Variants in CNIH3 observed in about 807,000 individuals in gnomAD.
CNIH3 encodes the protein cornichon family AMPA receptor auxiliary protein 3.
In CNIH3, 14 loss-of-function variants were observed where a neutral mutation model predicts 24.1. The observed-to-expected ratio is 0.58, with a 90% confidence interval of 0.38 to 0.91. CNIH3 has a LOEUF of 0.91. Ranked by LOEUF, CNIH3 falls within the 40% of genes least tolerant of loss-of-function variation. CNIH3 has a pLI of 0.00. For synonymous variants in CNIH3, 68 were observed against 73.8 expected (o/e 0.92, Z 0.40); for missense variants, 178 against 196.8 (o/e 0.90, Z 0.57).
At chr1:224,513,118 G>A (rs530763634), upstream of CNIH3, among the ~76,000 whole-genome samples, 1 of 152,038 alleles carries the variant, frequency 6.6e-6, no homozygotes. Context: ...CAGAGACCCT[G>A]CCCGCAGCCT....
At chr1:224,508,854 G>A (rs1429845271) in intron 1 of CNIH3, among the ~76,000 whole-genome samples, 1 of 152,330 alleles carries the variant, frequency 6.6e-6, no homozygotes. Context: ...TATATGTGAG[G>A]TACAGTATTA....
At chr1:224,662,634 A>C (rs1408844015) in intron 1 of CNIH3, among the ~76,000 whole-genome samples, 1 of 152,238 alleles carries the variant, frequency 6.6e-6, no homozygotes, top group Non-Finnish European at 1.5e-5. Flanking sequence ...GATTTACTTA[A>C]GTCACATGAA....
At chr1:224,682,398 G>T (rs1359702367) in intron 2 of CNIH3, among the ~76,000 whole-genome samples, 1 of 152,142 alleles carries the variant, frequency 6.6e-6, no homozygotes, top group Non-Finnish European at 1.5e-5. Flanking sequence ...CATCTACCCT[G>T]TGTTGCCTCT....
In CNIH3 at chr1:224,569,350, G is replaced by C. The variant is rs555996428; in HGVS notation, n.516+3086G>C. Among the ~76,000 whole-genome samples the C allele has an allele frequency of 3.9e-5, 6 of 152,270 alleles. No homozygotes were observed. In the South Asian group the frequency reaches 1.0e-3, roughly 26 times the overall value. ...TTCATCCGTGTAGTTGTGTTTCACT[G>C]TAATTAATTCCTATAATAAGAATTA... On this transcript the variant is annotated intron_variant and non_coding_transcript_variant, in intron 4 of 5. Transcript: ENST00000471578.
At chr1:224,555,121 C>T (rs1680084993) in intron 3 of CNIH3, among the ~76,000 whole-genome samples, 1 of 152,046 alleles carries the variant, frequency 6.6e-6, no homozygotes, top group African/African-American at 2.4e-5. Context: ...CTCAGTTCCC[C>T]CAACCTTTTG....
At chr1:224,555,980 C>G (rs1471366337) in intron 3 of CNIH3, among the ~76,000 whole-genome samples, 2 of 152,184 alleles carry the variant, frequency 1.3e-5, no homozygotes, top group East Asian at 3.9e-4. Context: ...TACTCACTGG[C>G]TGCTGGGGTT....
At chr1:224,510,717 AAC>A (rs1281629435) in intron 1 of CNIH3, among the ~76,000 whole-genome samples, 1 of 152,188 alleles carries the variant, frequency 6.6e-6, no homozygotes. Flanking sequence ...GGTAAGAGGA[AAC>A]ACAGAGGAGC....
chr1:224,567,800 G>A (rs116589698), intron 4 of CNIH3, among the ~76,000 whole-genome samples: 3,983 of 152,240 alleles, frequency 0.026, 182 homozygotes, highest in African/African-American at 0.091. Context: ...CGAAACAGTT[G>A]TAGATGTTTA....
chr1:224,534,946 C>T (rs1572429616), intron 2 of CNIH3, among the ~76,000 whole-genome samples: 1 of 152,170 alleles, frequency 6.6e-6, no homozygotes, highest in South Asian at 2.1e-4. Context: ...AGGCAGTGTG[C>T]CTTGCAGATT....
At chr1:224,436,866 T>C (rs893154333) in intron 1 of CNIH3, 10 of 152,256 alleles carry the variant, frequency 6.6e-5, no homozygotes, top group Admixed American at 2.0e-4. Context: ...CTCTTATTGC[T>C]CCTCTTCAGG....
At chr1:224,710,181 G>C (rs1688062463) in intron 3 of CNIH3, among the ~76,000 whole-genome samples, 2 of 152,168 alleles carry the variant, frequency 1.3e-5, no homozygotes, top group Non-Finnish European at 2.9e-5. Flanking sequence ...TTGCTTTACA[G>C]CATGTTCGTT....
intron 1 of CNIH3, among the ~76,000 whole-genome samples, chr1:224,455,399 C>T (rs1308960675): frequency 1.3e-5 from 2 of 152,202 alleles, no homozygotes; most frequent in East Asian, 1.9e-4. Context: ...TGAAGTCTGT[C>T]TTGGCCTTGT....
intron 1 of CNIH3, chr1:224,661,200 C>T: frequency 3.7e-6 from 1 of 268,336 alleles, no homozygotes; most frequent in Non-Finnish European, 7.9e-6. Flanking sequence ...GCTGCTGCTC[C>T]TCACCATGTA....
intron 1 of CNIH3, among the ~76,000 whole-genome samples, chr1:224,656,356 T>C (rs1685094610): frequency 6.6e-6 from 1 of 152,136 alleles, no homozygotes; most frequent in Admixed American, 6.5e-5. Context: ...AATTTTAAAA[T>C]ACCAGAATAT....
intron 1 of CNIH3, among the ~76,000 whole-genome samples, chr1:224,655,213 G>A (rs1014168241): frequency 6.6e-6 from 1 of 152,146 alleles, no homozygotes; most frequent in Non-Finnish European, 1.5e-5. Context: ...GCCTCATGTG[G>A]AGAGGTAGAG....
At chr1:224,710,387 T>C (rs1411862370) in intron 3 of CNIH3, among the ~76,000 whole-genome samples, 3 of 152,228 alleles carry the variant, frequency 2.0e-5, no homozygotes, top group Non-Finnish European at 4.4e-5. Flanking sequence ...TGTTTGCTTT[T>C]TGTTTTTCTT....
At chr1:224,446,216 T>A (rs1460779725) in intron 1 of CNIH3, among the ~76,000 whole-genome samples, 1 of 150,864 alleles carries the variant, frequency 6.6e-6, no homozygotes, top group Non-Finnish European at 1.5e-5. Flanking sequence ...AACTTTGTTT[T>A]TTTTTTTTTT....
At chr1:224,472,554 T>C (rs1041831768) in intron 1 of CNIH3, among the ~76,000 whole-genome samples, 14 of 152,190 alleles carry the variant, frequency 9.2e-5, no homozygotes, top group African/African-American at 3.4e-4. Context: ...CCAAACATTA[T>C]ATATTCTTAC....
intron 1 of CNIH3, among the ~76,000 whole-genome samples, chr1:224,671,718 G>A (rs1039434956): frequency 1.3e-5 from 2 of 152,246 alleles, no homozygotes; most frequent in East Asian, 3.8e-4. Context: ...ACTACTCCAT[G>A]ACATCTGGCA....
Sources: gnomAD v4.1 joint callset for allele counts (sites outside exome capture counted in the v4.1 genomes callset) on GRCh38, gnomAD v4.1.1 for gene constraint, MANE v1.5 for transcripts, NCBI Gene and HGNC (gene_info 2026-07-23, HGNC 2026-07-21) for gene names.